CLEC12A: variants seen among roughly 807,000 people sequenced by gnomAD.
CLEC12A encodes the protein C-type lectin protein CLL-1.
In CLEC12A, 22 loss-of-function variants were observed where a neutral mutation model predicts 26.5. That is an observed-to-expected ratio of 0.83 (90% CI 0.59 to 1.19). The LOEUF is 1.19. Ranked by LOEUF, CLEC12A falls within the 50% of genes most tolerant of loss-of-function variation. CLEC12A has a pLI of 0.00. For missense variants in CLEC12A, 353 were observed against 315.6 expected (o/e 1.12, Z -0.90); for synonymous variants, 119 against 101.9 (o/e 1.17, Z -1.01).
intron 1 of CLEC12A, among the ~76,000 whole-genome samples, chr12:9,958,665 C>T (rs987330827): frequency 6.6e-6 from 1 of 152,138 alleles, no homozygotes; most frequent in Non-Finnish European, 1.5e-5. Context: ...GGGCTTGGAC[C>T]CATGACAAGA....
At chr12:9,956,618 T>G (rs75059125) in intron 1 of CLEC12A, among the ~76,000 whole-genome samples, 416 of 152,342 alleles carry the variant, frequency 2.7e-3, no homozygotes, top group African/African-American at 9.8e-3. Flanking sequence ...TTATGAAAAG[T>G]TCCAGCAAAG....
downstream of CLEC12A, chr12:9,997,196 A>ATTGACAGAAGCGCT: frequency 6.2e-7 from 1 of 1,614,014 alleles, no homozygotes; most frequent in Non-Finnish European, 8.5e-7. Flanking sequence ...TTTACCACAT[A>ATTGACAGAAGCGCT]TTGACAGAAG....
At chr12:9,973,992 T>G (rs978163169) in intron 1 of CLEC12A, among the ~76,000 whole-genome samples, 1 of 146,406 alleles carries the variant, frequency 6.8e-6, no homozygotes. Flanking sequence ...ACAACTCAAC[T>G]TTTGAAAGCA....
intron 1 of CLEC12A, among the ~76,000 whole-genome samples, chr12:9,963,955 T>C (rs529781727): frequency 1.1e-4 from 17 of 152,254 alleles, no homozygotes; most frequent in African/African-American, 3.9e-4. Context: ...CTGTTATTTA[T>C]GGGGCTGGGT....
intron 5 of CLEC12A, among the ~76,000 whole-genome samples, chr12:9,982,823 A>G (rs888969985): frequency 6.6e-6 from 1 of 152,058 alleles, no homozygotes; most frequent in East Asian, 1.9e-4. Flanking sequence ...TCCAATGTCT[A>G]TTATTCCACT....
At chr12:9,979,911 A>G (rs930860122) in intron 3 of CLEC12A, among the ~76,000 whole-genome samples, 6 of 152,178 alleles carry the variant, frequency 3.9e-5, no homozygotes, top group African/African-American at 1.4e-4. Flanking sequence ...AGTCCATAGA[A>G]AAAAATAAAT....
Position 9,980,702 on chromosome 12 carries a change from G to C in CLEC12A, c.500G>C (p.Ser167Thr). 2 of 1,613,700 alleles carry C rather than the reference G, an allele frequency of 1.2e-6. No individual in the cohort carries two copies. The highest frequency in any genetic ancestry group is 1.7e-6 in the Non-Finnish European group (2 of 1,179,784). Residue 167 changes from serine to threonine, a missense_variant, in exon 4 of 6, where the codon AGC (serine) becomes ACC (threonine). Transcript: ENST00000304361. The part of the protein sequence containing the change: ...SKMACAAQNA[S>T]LLKINNKNAL... ...ATGGCCTGTGCTGCTCAGAATGCCA[G>C]CCTGTTGAAGATAAACAACAAAAAT...
At chr12:9,963,468 C>T (rs11053525) in intron 1 of CLEC12A, among the ~76,000 whole-genome samples, 109,809 of 133,798 alleles carry the variant, frequency 0.82, 45,964 homozygotes, top group Middle Eastern at 0.89. Flanking sequence ...AGAGAAGACA[C>T]TAGAGAGGCT....
At chr12:9,973,875 A>G (rs1864232016) in intron 1 of CLEC12A, among the ~76,000 whole-genome samples, 1 of 151,726 alleles carries the variant, frequency 6.6e-6, no homozygotes, top group Admixed American at 6.6e-5. Flanking sequence ...GCACCAACAT[A>G]CTCTACTACT....
At chr12:9,960,921 C>G (rs900963480) in intron 1 of CLEC12A, among the ~76,000 whole-genome samples, 3 of 152,282 alleles carry the variant, frequency 2.0e-5, no homozygotes, top group African/African-American at 7.2e-5. Flanking sequence ...CACGTAGCAT[C>G]AAACTCTGTA....
chr12:9,997,105 C>G, downstream of CLEC12A: 1 of 1,609,796 alleles, frequency 6.2e-7, no homozygotes, highest in South Asian at 1.1e-5. Context: ...CAGTTGCCAT[C>G]AGAGAAATGC....
chr12:9,964,630 G>A (rs1167543913), intron 1 of CLEC12A, among the ~76,000 whole-genome samples: 1 of 152,134 alleles, frequency 6.6e-6, no homozygotes, highest in Non-Finnish European at 1.5e-5. Context: ...GATGTGTAGG[G>A]AAAGGAGGGG....
At chr12:9,957,490 CA>C (rs58810746) in intron 1 of CLEC12A, among the ~76,000 whole-genome samples, 79,260 of 124,766 alleles carry the variant, frequency 0.64, 22,690 homozygotes, top group African/African-American at 0.68. Context: ...GACTTCATCT[CA>C]AAAAAAAAAA....
rs1864440763 is a variant in CLEC12A, at chr12:9,978,877, G to C, written c.92-89G>C. 1.4e-5 allele frequency: 13 copies of C among 937,116 alleles called. No individual in the cohort carries two copies. In the East Asian group the frequency reaches 2.9e-4, roughly 21 times the overall value. 58.1% of individuals were successfully genotyped at this position (937,116 alleles called of 1,614,324 possible). A position where few individuals can be genotyped will look rare whatever the true frequency, so the allele number is the denominator to read the frequency against. ...TCCAATAGGCATATTAGGAAATAAA[G>C]GTAAAATGAATGAATGAATGAATGA... On this transcript the variant is annotated intron_variant, in intron 1 of 5. Transcript: ENST00000304361.
chr12:9,966,551 GC>G (rs1565550856), upstream of CLEC12A, among the ~76,000 whole-genome samples: 1 of 152,146 alleles, frequency 6.6e-6, no homozygotes, highest in Non-Finnish European at 1.5e-5. Context: ...GGGGAGGCAG[GC>G]CTGGAGGAAT....
At position 9,982,082 on chromosome 12, in the gene CLEC12A, T is replaced by A. The variant is rs371479537; in HGVS notation, c.594T>A (p.Asp198Glu). The A allele has an allele frequency of 4.9e-5, 78 of 1,601,654 alleles. No homozygotes were observed. Among genetic ancestry groups the A allele is most frequent in the Non-Finnish European group, 6.1e-5 (71 of 1,169,572 alleles). The change falls in exon 5 of 6, where the codon GAT (aspartate) becomes GAA (glutamate). Residue 198 changes from aspartate to glutamate, a missense_variant. Coordinates refer to ENST00000304361, the MANE Select transcript of CLEC12A (RefSeq NM_138337.6). ...GGCTGGGATTATCTCCTGAAGAAGA[T>A]TCCACTCGTGGTATGAGAGTGGATA... ...DYWLGLSPEEDSTRGMRVDNI... is the reference protein window; with the variant it reads ...DYWLGLSPEEESTRGMRVDNI...
At chr12:9,954,859 G>A (rs988916410) in intron 1 of CLEC12A, among the ~76,000 whole-genome samples, 3 of 152,106 alleles carry the variant, frequency 2.0e-5, no homozygotes, top group Non-Finnish European at 4.4e-5. Flanking sequence ...AAATAGAAAT[G>A]CCTTTGGAAT....
chr12:9,951,710 G>T, intron 1 of CLEC12A: 1 of 305,010 alleles, frequency 3.3e-6, no homozygotes, highest in Non-Finnish European at 6.4e-6. Context: ...ATTGTATTCT[G>T]GTGGTTGTTT....
upstream of CLEC12A, among the ~76,000 whole-genome samples, chr12:9,968,114 C>T (rs1255453991): frequency 6.6e-6 from 1 of 152,104 alleles, no homozygotes; most frequent in Non-Finnish European, 1.5e-5. Context: ...TAAAAAGAGG[C>T]CACTTACTGG....
Sources: allele counts gnomAD v4.1 joint callset (sites outside exome capture counted in the v4.1 genomes callset), GRCh38; gene constraint gnomAD v4.1.1; transcripts MANE v1.5; gene names NCBI Gene and HGNC (gene_info 2026-07-23, HGNC 2026-07-21).